TRIM39: variants seen among roughly 807,000 people sequenced by gnomAD.
TRIM39 encodes E3 ubiquitin-protein ligase TRIM39.
TRIM39 carries 5 observed loss-of-function variants against 53.6 expected under a neutral mutation model. The ratio of observed to expected loss-of-function variants is 0.09; its 90% confidence interval spans 0.05 to 0.20. The LOEUF (loss-of-function observed/expected upper bound fraction) is 0.20. Ranked by LOEUF, TRIM39 falls within the 10% of genes least tolerant of loss-of-function variation. The probability of loss-of-function intolerance (pLI) is 1.00; values close to 1 mark genes in which losing one functional copy is unlikely to be tolerated. For missense variants in TRIM39, 310 were observed against 621.0 expected, an observed-to-expected ratio of 0.50 and a Z score of 5.32; for synonymous variants, 196 against 237.6, an observed-to-expected ratio of 0.82 and a Z score of 1.61.
chr6:30,334,201 C>T (rs1163215012), intron 4 of TRIM39, among the ~76,000 whole-genome samples: 5 of 152,246 alleles, frequency 3.3e-5, no homozygotes, highest in African/African-American at 9.6e-5. Context: ...CATCCCCACT[C>T]TCTCTCCACC....
chr6:30,336,120 T>C (rs774377455), intron 5 of TRIM39, 145 bp downstream of exon 5: 9 of 1,293,686 alleles, frequency 7.0e-6, no homozygotes, highest in Non-Finnish European at 8.7e-6. Context: ...AAAGGGTCTT[T>C]GCTACGGAAA....
At position 30,326,795 on chromosome 6, in the gene TRIM39, C is replaced by CCTT. The variant is rs371703864; in HGVS notation, c.-356_-354dup. 5.7e-3 allele frequency: 872 copies of CCTT among 153,200 alleles called. 2 individuals carry two copies. Among genetic ancestry groups the CCTT allele is most frequent in the Middle Eastern group, 0.03 (9 of 302 alleles). 9.5% of individuals were successfully genotyped at this position (153,200 alleles called of 1,614,324 possible). A position where few individuals can be genotyped will look rare whatever the true frequency, so the allele number is the denominator to read the frequency against. On this transcript the variant is annotated 5_prime_UTR_variant, in exon 1 of 8. Coordinates refer to ENST00000396551, the Ensembl canonical transcript of TRIM39. Reference sequence around the variant, plus strand: ...GCTTCTCATCGCCAGCCCTCCTCCTCCTTCTTCCGCAGGCACCGCTAGACC... The same window carrying CCTT: ...GCTTCTCATCGCCAGCCCTCCTCCTCCTTCTTCTTCCGCAGGCACCGCTAGACC...
intron 4 of TRIM39, among the ~76,000 whole-genome samples, chr6:30,331,297 A>AAAAAAAAAAAAAAAG (rs1562406038): frequency 4.0e-5 from 6 of 150,086 alleles, no homozygotes; most frequent in Admixed American, 6.6e-5. Flanking sequence ...AACAAAAAAA[A>AAAAAAAAAAAAAAAG]AAAGAACAAT....
Position 30,339,237 on chromosome 6 carries a change from C to G in TRIM39, c.781-671C>G, listed in dbSNP as rs1787216962. 6.6e-6 allele frequency among the ~76,000 whole-genome samples: 1 copy of G among 151,792 alleles called. No individual in the cohort carries two copies. The highest frequency in any genetic ancestry group is 2.4e-5 in the African/African-American group (1 of 41,306). Reference sequence around the variant, plus strand: ...GATCTCGGCTCACTGCAACCTTTGCCTCCTGTGTTCAAGCGATTCTCCTGC... The same window carrying G: ...GATCTCGGCTCACTGCAACCTTTGCGTCCTGTGTTCAAGCGATTCTCCTGC... On this transcript the variant is annotated intron_variant, in intron 5 of 7. Coordinates refer to ENST00000396551, the Ensembl canonical transcript of TRIM39. This position sits in a 1 kb window ranked among gnomAD's most constrained non-coding sequence, Gnocchi z 4.2.
intron 4 of TRIM39, among the ~76,000 whole-genome samples, chr6:30,331,939 T>C (rs889515800): frequency 6.6e-6 from 1 of 152,188 alleles, no homozygotes; most frequent in East Asian, 1.9e-4. Flanking sequence ...ATCCGTAACA[T>C]TCCAGATTTA....
intron 5 of TRIM39, chr6:30,336,243 T>C: frequency 1.4e-6 from 1 of 691,038 alleles, no homozygotes; most frequent in Non-Finnish European, 2.6e-6. Flanking sequence ...GAGGGAAGTC[T>C]AGCCTGAGTT....
exon 1 of TRIM39, chr6:30,326,739 G>T: frequency 6.5e-6 from 1 of 153,698 alleles, no homozygotes. Context: ...CTGCCCCTCT[G>T]GGTCCCTTCT....
intron 4 of TRIM39, among the ~76,000 whole-genome samples, chr6:30,333,362 T>G (rs1045255810): frequency 6.9e-6 from 1 of 144,110 alleles, no homozygotes; most frequent in Non-Finnish European, 1.5e-5. Flanking sequence ...GGTTTTTTTT[T>G]TTTTTTTTTT....
intron 4 of TRIM39, among the ~76,000 whole-genome samples, chr6:30,332,513 T>C (rs1370161269): frequency 6.6e-6 from 1 of 152,226 alleles, no homozygotes; most frequent in Admixed American, 6.5e-5. Context: ...AAGCAAGTAT[T>C]ATTACCTTAG....
intron 2 of TRIM39, 44 bp from the exon 3 acceptor site, chr6:30,329,262 ACCTCC>A: frequency 1.3e-6 from 2 of 1,529,394 alleles, no homozygotes; most frequent in South Asian, 2.5e-5. Context: ...AAAAGAAAAA[ACCTCC>A]AATTAATATT....
chr6:30,336,034 C>G, intron 5 of TRIM39, 59 bp downstream of exon 5: 2 of 1,600,918 alleles, frequency 1.2e-6, no homozygotes, highest in African/African-American at 2.7e-5. Context: ...TTTGCGTAGC[C>G]TGGGATTTGT....
chr6:30,336,166 GTTC>G (rs755949259), intron 5 of TRIM39, 191 bp downstream of exon 5: 1 of 836,220 alleles, frequency 1.2e-6, no homozygotes, highest in South Asian at 1.4e-5. Context: ...CCATTTTTGT[GTTC>G]TTATCTCTGG....
rs1470159317 is a variant in TRIM39, at chr6:30,342,472, G to T, written c.*213G>T. 7 of 604,786 alleles carry T rather than the reference G, an allele frequency of 1.2e-5. No homozygotes were observed. In the South Asian group the frequency reaches 1.5e-4, roughly 13 times the overall value. 37.5% of individuals were successfully genotyped at this position (604,786 alleles called of 1,614,324 possible). On this transcript the variant is annotated 3_prime_UTR_variant, in exon 8 of 8. Transcript: ENST00000396551. This position sits in a 1 kb window ranked among gnomAD's most constrained non-coding sequence, Gnocchi z 4.7. The stretch of plus-strand genomic sequence containing the variant: ...GCTGTGACTTCCTCCTAACTGTCAG[G>T]GTGGGGAGCTGGTTCCCAGAGGATT...
Position 30,335,638 on chromosome 6 carries a change from T to G in TRIM39, c.550-107T>G. ...ACACCCAGCCTTTGTTAAACCATTT[T>G]CAATGAAACTGGAAGTCTGTGTTAA... On this transcript the variant is annotated intron_variant, in intron 4 of 7. Coordinates refer to ENST00000396551, the Ensembl canonical transcript of TRIM39. The surrounding 1 kb of genome is among the most constrained non-coding windows in gnomAD (Gnocchi z 4.7). 2 of 1,408,656 alleles carry G rather than the reference T, an allele frequency of 1.4e-6. No individual in the cohort carries two copies. The highest frequency in any genetic ancestry group is 1.4e-5 in the South Asian group (1 of 69,276). 87.3% of individuals were successfully genotyped at this position (1,408,656 alleles called of 1,614,324 possible).
At position 30,342,439 on chromosome 6, in the gene TRIM39, A is replaced by G. The variant is rs1787653365; in HGVS notation, c.*180A>G. 2 of 650,886 alleles carry G rather than the reference A, an allele frequency of 3.1e-6. No individual in the cohort carries two copies. Among genetic ancestry groups the G allele is most frequent in the Non-Finnish European group, 5.2e-6 (2 of 380,974 alleles). 40.3% of individuals were successfully genotyped at this position (650,886 alleles called of 1,614,324 possible). On this transcript the variant is annotated 3_prime_UTR_variant, in exon 8 of 8. Coordinates refer to ENST00000396551, the Ensembl canonical transcript of TRIM39. This position sits in a 1 kb window ranked among gnomAD's most constrained non-coding sequence, Gnocchi z 4.7. Reference sequence around the variant, plus strand: ...GGGAGGTAGGACTGGGCTGGATGAGAGAGCACAGCTGTGACTTCCTCCTAA... The same window carrying G: ...GGGAGGTAGGACTGGGCTGGATGAGGGAGCACAGCTGTGACTTCCTCCTAA...
At chr6:30,327,522 A>T (rs1158610443) in intron 1 of TRIM39, 1 of 152,726 alleles carries the variant, frequency 6.5e-6, no homozygotes, top group Non-Finnish European at 1.5e-5. Flanking sequence ...CAGCTGAGAC[A>T]CAAGGAGTAG....
In TRIM39 at chr6:30,334,821, A is replaced by C. The variant is rs3778623; in HGVS notation, c.550-924A>C. Reference sequence around the variant, plus strand: ...ATCACAGCACACTAACTCAAACTCCAGTGTTCAGGCCATCCATCCTCTTGA... The same window carrying C: ...ATCACAGCACACTAACTCAAACTCCCGTGTTCAGGCCATCCATCCTCTTGA... On this transcript the variant is annotated intron_variant, in intron 4 of 7. Coordinates refer to ENST00000396551, the Ensembl canonical transcript of TRIM39. 5.0e-4 allele frequency among the ~76,000 whole-genome samples: 76 copies of C among 152,300 alleles called. 1 individual carries two copies. In the East Asian group the frequency reaches 0.014, roughly 28 times the overall value.
At chr6:30,329,256 GA>G in intron 2 of TRIM39, 54 bp from the exon 3 acceptor site, 3 of 1,346,106 alleles carry the variant, frequency 2.2e-6, no homozygotes, top group South Asian at 1.5e-5. Context: ...AAAAAAAAAA[GA>G]AAAAACCTCC....
chr6:30,333,240 T>C (rs1009344577), intron 4 of TRIM39, among the ~76,000 whole-genome samples: 1 of 152,232 alleles, frequency 6.6e-6, no homozygotes, highest in African/African-American at 2.4e-5. Context: ...AATCTTGGGT[T>C]TTATTCAGCT....
Sources: gnomAD v4.1 joint callset for allele counts (sites outside exome capture counted in the v4.1 genomes callset) on GRCh38, gnomAD v4.1.1 for gene constraint, Gnocchi (gnomAD v3.1) non-coding constraint, MANE v1.5 for transcripts, NCBI Gene and HGNC (gene_info 2026-07-23, HGNC 2026-07-21) for gene names.